CDK6: variants seen among roughly 807,000 people sequenced by gnomAD.
The protein encoded by CDK6 is cyclin-dependent kinase 6.
A neutral mutation model predicts 37.1 loss-of-function variants in CDK6; 6 were observed. The observed-to-expected ratio is 0.16, with a 90% CI of 0.09 to 0.32. The LOEUF (loss-of-function observed/expected upper bound fraction) is 0.32. Ranked by LOEUF, CDK6 falls within the 10% of genes least tolerant of loss-of-function variation. The pLI is 1.00. For missense variants in CDK6, 224 were observed against 418.9 expected (o/e 0.53, Z 4.06); for synonymous variants, 160 against 161.3 (o/e 0.99, Z 0.06).
chr7:92,799,099 C>T lies in CDK6; in HGVS notation c.234-24268G>A, dbSNP rs541374114. On this transcript the variant is annotated intron_variant, in intron 2 of 7. Coordinates refer to ENST00000424848, the MANE Select transcript of CDK6 (RefSeq NM_001145306.2). ...AACAAAAATGTTTAACTGTGCCTAT[C>T]TCTATCAGATTGTCATTCTGCCAGC... 3.3e-5 allele frequency among the ~76,000 whole-genome samples: 5 copies of T among 152,302 alleles called. No individual in the cohort carries two copies. The East Asian group carries it at 9.6e-4, about 29-fold the overall frequency.
chr7:92,653,100 G>T (rs1364840109), intron 5 of CDK6, among the ~76,000 whole-genome samples: 4 of 152,086 alleles, frequency 2.6e-5, no homozygotes, highest in Admixed American at 2.6e-4. Context: ...AGCTTTAATA[G>T]AAACGTATTT....
intron 3 of CDK6, among the ~76,000 whole-genome samples, chr7:92,767,902 T>TA (rs1442070495): frequency 4.6e-5 from 7 of 151,616 alleles, no homozygotes; most frequent in East Asian, 1.9e-4. Context: ...GCCTGTTTTT[T>TA]AAAAAAAACA....
At chr7:92,639,402 T>C (rs1050436274) in intron 5 of CDK6, among the ~76,000 whole-genome samples, 3 of 152,226 alleles carry the variant, frequency 2.0e-5, no homozygotes, top group African/African-American at 7.2e-5. Flanking sequence ...AGGAGCATGT[T>C]AGGAGACTGA....
At chr7:92,704,837 T>C (rs1797932198) in intron 4 of CDK6, among the ~76,000 whole-genome samples, 1 of 152,252 alleles carries the variant, frequency 6.6e-6, no homozygotes, top group Admixed American at 6.5e-5. Flanking sequence ...GGAATTTCTC[T>C]AAGGTATGTA....
rs1358881157 is a variant in CDK6 at position 92,835,448 on chromosome 7, C to A, written c.-368+1030G>T. 6.6e-6 allele frequency among the ~76,000 whole-genome samples: 1 copy of A among 152,114 alleles called. No individual in the cohort carries two copies. The highest frequency in any genetic ancestry group is 6.5e-5 in the Admixed American group (1 of 15,284). On this transcript the variant is annotated intron_variant, in intron 1 of 7. Coordinates refer to ENST00000424848, the MANE Select transcript of CDK6 (RefSeq NM_001145306.2). This position sits in a 1 kb window ranked among gnomAD's most constrained non-coding sequence, Gnocchi z 4.2. ...CTTCGGCGGAGAGAAACGGGAGCAG[C>A]AATGCCTTTTCCCCCCCTCTCCTCC... is the stretch of plus-strand genomic sequence containing the variant.
chr7:92,612,277 T>C lies in CDK6; in HGVS notation c.*2863A>G, dbSNP rs1318660312. 8.6e-6 allele frequency: 2 copies of C among 233,084 alleles called. No individual in the cohort carries two copies. The highest frequency in any genetic ancestry group is 1.7e-5 in the Non-Finnish European group (2 of 117,974). 14.4% of individuals were successfully genotyped at this position (233,084 alleles called of 1,614,324 possible). On this transcript the variant is annotated 3_prime_UTR_variant, in exon 8 of 8. Coordinates refer to ENST00000424848, the MANE Select transcript of CDK6 (RefSeq NM_001145306.2). Reference sequence around the variant, plus strand: ...TCTGTCACAATATTTTAACTTGCTATGAGCTGCTTCAGTGTAACCTTGGGG... The same window carrying C: ...TCTGTCACAATATTTTAACTTGCTACGAGCTGCTTCAGTGTAACCTTGGGG...
chr7:92,672,771 T>C (rs1797120508), intron 4 of CDK6, among the ~76,000 whole-genome samples: 1 of 152,218 alleles, frequency 6.6e-6, no homozygotes, highest in South Asian at 2.1e-4. Flanking sequence ...AGTTGTATTA[T>C]TATGGATGTC....
chr7:92,790,665 T>C (rs967148547), intron 2 of CDK6, among the ~76,000 whole-genome samples: 3 of 152,152 alleles, frequency 2.0e-5, no homozygotes, highest in Non-Finnish European at 2.9e-5. Context: ...CATAAGTGTA[T>C]ACACATATAC....
chr7:92,788,119 T>C (rs945301493), intron 2 of CDK6, among the ~76,000 whole-genome samples: 134 of 152,292 alleles, frequency 8.8e-4, no homozygotes, highest in African/African-American at 3.2e-3. Context: ...GGATCTAAAA[T>C]TGGGTTGTTT....
At chr7:92,807,882 C>A (rs1256522984) in intron 2 of CDK6, among the ~76,000 whole-genome samples, 1 of 152,018 alleles carries the variant, frequency 6.6e-6, no homozygotes, top group Non-Finnish European at 1.5e-5. Flanking sequence ...TATTAGGGTA[C>A]AATAAAGGAT....
chr7:92,763,113 A>T (rs781019268), intron 3 of CDK6, among the ~76,000 whole-genome samples: 2 of 152,232 alleles, frequency 1.3e-5, no homozygotes, highest in African/African-American at 2.4e-5. Context: ...GGCCAGTGAC[A>T]ACAGTGAACA....
In CDK6 at chr7:92,833,611, C is replaced by A. The variant is rs1801559500; in HGVS notation, c.-288G>T. On this transcript the variant is annotated 5_prime_UTR_variant, in exon 2 of 8. Transcript: ENST00000424848. This position sits in a 1 kb window ranked among gnomAD's most constrained non-coding sequence, Gnocchi z 6.1. ...AGGAGCGAGCCGATCCCTCCTCTTC[C>A]CTCCTCGAAGCGAAGTCCTCAACAC... 1.3e-5 allele frequency: 7 copies of A among 535,504 alleles called. No individual in the cohort carries two copies. In the East Asian group the frequency reaches 2.3e-4, roughly 17 times the overall value. The allele number at this position is 535,504 out of a possible 1,614,324, so 33.2% of individuals were successfully genotyped here.
At position 92,835,222 on chromosome 7, in the gene CDK6, CAGGT is replaced by C. The variant is rs746470947; in HGVS notation, c.-368+1252_-368+1255del. 3.5e-4 allele frequency: 54 copies of C among 153,546 alleles called. No individual in the cohort carries two copies. The highest frequency in any genetic ancestry group is 2.5e-3 in the South Asian group (12 of 4,864). The allele number at this position is 153,546 out of a possible 1,614,324, so 9.5% of individuals were successfully genotyped here. On this transcript the variant is annotated intron_variant, in intron 1 of 7. Coordinates refer to ENST00000424848, the MANE Select transcript of CDK6 (RefSeq NM_001145306.2). This position sits in a 1 kb window ranked among gnomAD's most constrained non-coding sequence, Gnocchi z 4.2. Reference sequence around the variant, plus strand: ...GGTCTGAGCCAGGTCGAGGGCCACACAGGTAGCCGGGGAGCCGCCGCCGGCCGCC... The same window carrying C: ...GGTCTGAGCCAGGTCGAGGGCCACACAGCCGGGGAGCCGCCGCCGGCCGCC...
intron 4 of CDK6, chr7:92,725,097 G>A (rs551148644): frequency 1.0e-5 from 10 of 985,372 alleles, no homozygotes; most frequent in Admixed American, 1.2e-4. Context: ...AGGGTTATAT[G>A]AGCCTTCACC....
chr7:92,625,536 A>AC (rs1181466427), intron 5 of CDK6, among the ~76,000 whole-genome samples: 8 of 143,690 alleles, frequency 5.6e-5, no homozygotes, highest in South Asian at 4.3e-4. Flanking sequence ...GTTTTGCAAA[A>AC]AAAAACAAAA....
At chr7:92,742,667 T>A (rs1001866477) in intron 3 of CDK6, among the ~76,000 whole-genome samples, 3 of 151,162 alleles carry the variant, frequency 2.0e-5, no homozygotes, top group South Asian at 4.3e-4. Flanking sequence ...TTTTCTTCTT[T>A]AAAGTTTGTA....
chr7:92,816,350 G>C (rs1046090049), intron 2 of CDK6, among the ~76,000 whole-genome samples: 1 of 152,032 alleles, frequency 6.6e-6, no homozygotes, highest in African/African-American at 2.4e-5. Context: ...ACAGTGAGGA[G>C]AAAATTGGAA....
At chr7:92,794,205 T>A (rs1800349643) in intron 2 of CDK6, among the ~76,000 whole-genome samples, 1 of 152,186 alleles carries the variant, frequency 6.6e-6, no homozygotes, top group Non-Finnish European at 1.5e-5. Flanking sequence ...GTGCTTACTG[T>A]GTGTCAGACA....
At chr7:92,715,152 A>T (rs1353968840) in intron 4 of CDK6, among the ~76,000 whole-genome samples, 4 of 152,208 alleles carry the variant, frequency 2.6e-5, no homozygotes, top group African/African-American at 7.2e-5. Context: ...GGTAACATTT[A>T]AAAAAGTAAT....
Sources: allele counts gnomAD v4.1 joint callset (sites outside exome capture counted in the v4.1 genomes callset), GRCh38; gene constraint gnomAD v4.1.1; non-coding constraint Gnocchi (gnomAD v3.1); transcripts MANE v1.5; gene names NCBI Gene and HGNC (gene_info 2026-07-23, HGNC 2026-07-21).